The following RAI14 variants were observed in gnomAD, a reference collection of about 807,000 sequenced individuals.
The protein encoded by RAI14 is ankycorbin.
In RAI14, 45 loss-of-function variants were observed where a neutral mutation model predicts 115.4. That is an observed-to-expected ratio of 0.39 (90% CI 0.31 to 0.50). RAI14 has a LOEUF of 0.50. RAI14 is among the 20% of genes least tolerant of loss of function. RAI14 has a pLI of 0.85. For synonymous variants in RAI14, 371 were observed against 415.4 expected (o/e 0.89, Z 1.30); for missense variants, 939 against 1,131.2 (o/e 0.83, Z 2.44).
At chr5:34,819,101 A>T (rs1305383685) in intron 13 of RAI14, among the ~76,000 whole-genome samples, 1 of 152,206 alleles carries the variant, frequency 6.6e-6, no homozygotes, top group Non-Finnish European at 1.5e-5. Context: ...CCCAAACTAC[A>T]TGTTAGCAGT....
intron 2 of RAI14, among the ~76,000 whole-genome samples, chr5:34,690,832 A>T (rs370881370): frequency 1.3e-5 from 2 of 152,092 alleles, no homozygotes; most frequent in African/African-American, 4.8e-5. Context: ...CTTAAACTTG[A>T]GTTGTTAGAT....
chr5:34,799,156 C>T (rs1753891086), intron 4 of RAI14, among the ~76,000 whole-genome samples: 1 of 152,178 alleles, frequency 6.6e-6, no homozygotes, highest in South Asian at 2.1e-4. Context: ...TTTGATTGCC[C>T]ATGCCTGTGT....
intron 2 of RAI14, among the ~76,000 whole-genome samples, chr5:34,708,887 A>T (rs1168789913): frequency 6.6e-6 from 1 of 152,144 alleles, no homozygotes; most frequent in Non-Finnish European, 1.5e-5. Context: ...TGATGCCTGT[A>T]ATCCCATATC....
chr5:34,752,735 G>GTATATATATATA (rs1173704248), intron 2 of RAI14, among the ~76,000 whole-genome samples: 3 of 90,980 alleles, frequency 3.3e-5, no homozygotes, highest in Non-Finnish European at 7.3e-5. Context: ...GTGTGTGTGT[G>GTATATATATATA]TGTGTGTGTG....
chr5:34,832,427 G>A lies in RAI14; in HGVS notation c.*1662G>A, dbSNP rs1234108566. 2.0e-5 allele frequency: 3 copies of A among 152,632 alleles called. No homozygotes were observed. The highest frequency in any genetic ancestry group is 6.5e-5 in the Admixed American group (1 of 15,286). 9.5% of individuals were successfully genotyped at this position (152,632 alleles called of 1,614,324 possible). A position where few individuals can be genotyped will look rare whatever the true frequency, so the allele number is the denominator to read the frequency against. On this transcript the variant is annotated 3_prime_UTR_variant, in exon 18 of 18. Transcript: ENST00000265109. ...TGCCCCCGCACAGAAATGCTGCAGA[G>A]TATATAAAACTTGAGACATTTTTGT...
chr5:34,709,348 T>C (rs1208224442), intron 2 of RAI14, among the ~76,000 whole-genome samples: 1 of 152,074 alleles, frequency 6.6e-6, no homozygotes, highest in East Asian at 1.9e-4. Flanking sequence ...CTTGGGAGGC[T>C]GAGGCAGGAG....
intron 2 of RAI14, among the ~76,000 whole-genome samples, chr5:34,723,210 A>G (rs1743016575): frequency 6.6e-6 from 1 of 151,724 alleles, no homozygotes; most frequent in Admixed American, 6.6e-5. Context: ...TAGGATGTTT[A>G]TCTATATACC....
rs796752030 is a variant in RAI14, at chr5:34,829,118, T to TACAC, written c.2800-608_2800-605dup. 2.9e-5 allele frequency among the ~76,000 whole-genome samples: 4 copies of TACAC among 137,928 alleles called. No individual in the cohort carries two copies. In the South Asian group the frequency reaches 7.4e-4, roughly 26 times the overall value. The allele number at this position is 137,928 out of a possible 152,430, so 90.5% of individuals were successfully genotyped here. On this transcript the variant is annotated intron_variant, in intron 16 of 17. Coordinates refer to ENST00000265109, the MANE Select transcript of RAI14 (RefSeq NM_015577.3). ...ATTTGCATAAGTATATGTACATATA[T>TACAC]ACACACACATATATACATATATACA...
Position 34,823,373 on chromosome 5 carries a change from G to A in RAI14, c.1531G>A (p.Val511Ile), listed in dbSNP as rs193048705. ...SVQKQMKLGL[V>I]SPESMDNYSH... ...GCAGAAGCAGATGAAACTCGGTCTT[G>A]TCTCACCTGAAAGCATGGATAATTA... The change falls in exon 15 of 18, where the codon GTC becomes ATC. Residue 511 changes from valine to isoleucine, a missense_variant. Coordinates refer to ENST00000265109, the MANE Select transcript of RAI14 (RefSeq NM_015577.3). This position sits in a 1 kb window ranked among gnomAD's most constrained non-coding sequence, Gnocchi z 4.5. The A allele has an allele frequency of 2.5e-6, 4 of 1,614,036 alleles. No homozygotes were observed. The highest frequency in any genetic ancestry group is 1.7e-5 in the Admixed American group (1 of 60,020).
intron 4 of RAI14, 45 bp from the exon 5 acceptor site, chr5:34,803,667 T>C: frequency 6.8e-7 from 1 of 1,467,306 alleles, no homozygotes; most frequent in South Asian, 1.2e-5. Context: ...TTTTTTAAAG[T>C]GTGGCCTTTT....
At position 34,703,670 on chromosome 5, in the gene RAI14, C is replaced by T. The variant is rs138518073; in HGVS notation, c.36+16715C>T. Among the ~76,000 whole-genome samples the T allele has an allele frequency of 6.2e-4, 94 of 152,234 alleles. 1 individual carries two copies. The East Asian group carries it at 0.018, about 28-fold the overall frequency. On this transcript the variant is annotated intron_variant, in intron 2 of 17. Transcript: ENST00000265109. ...ACTTTTGCAAATTTTACAACAACAACAACAGAAAGAATATACTATGTGAGC... is the reference window on the plus strand; with the variant it reads ...ACTTTTGCAAATTTTACAACAACAATAACAGAAAGAATATACTATGTGAGC...
chr5:34,822,803 C>A (rs1470540997), intron 14 of RAI14, among the ~76,000 whole-genome samples, 153 bp from the exon 15 acceptor site: 1 of 150,602 alleles, frequency 6.6e-6, no homozygotes, highest in African/African-American at 2.4e-5. Flanking sequence ...CTTGCCTCAG[C>A]CTCCCGAGTA....
intron 2 of RAI14, among the ~76,000 whole-genome samples, chr5:34,747,355 T>C (rs1388964690): frequency 6.6e-6 from 1 of 152,238 alleles, no homozygotes; most frequent in Non-Finnish European, 1.5e-5. Flanking sequence ...AATGGTATCC[T>C]CTTTGGGCTT....
At chr5:34,766,429 T>C (rs1749380991) in intron 3 of RAI14, among the ~76,000 whole-genome samples, 1 of 152,170 alleles carries the variant, frequency 6.6e-6, no homozygotes, top group Non-Finnish European at 1.5e-5. Flanking sequence ...ATGTGAGACC[T>C]GGAATCAAAG....
intron 16 of RAI14, among the ~76,000 whole-genome samples, chr5:34,829,158 CACAT>C (rs1757764307): frequency 7.5e-6 from 1 of 133,156 alleles, no homozygotes; most frequent in African/African-American, 2.8e-5. Context: ...TATATAGACA[CACAT>C]ACACACACAC....
intron 2 of RAI14, among the ~76,000 whole-genome samples, chr5:34,725,500 C>G (rs1743331240): frequency 1.3e-5 from 2 of 151,998 alleles, no homozygotes; most frequent in Non-Finnish European, 2.9e-5. Context: ...CCACCCCCTT[C>G]CCTCTTGGTA....
chr5:34,687,015 G>A (rs1375008036), intron 2 of RAI14, 60 bp downstream of exon 2: 40 of 1,581,808 alleles, frequency 2.5e-5, no homozygotes, highest in African/African-American at 9.4e-5. Flanking sequence ...CTGCAGAAAC[G>A]CTCCTCCCCA....
chr5:34,775,412 GA>G, intron 3 of RAI14, among the ~76,000 whole-genome samples: 1 of 152,016 alleles, frequency 6.6e-6, no homozygotes, highest in Non-Finnish European at 1.5e-5. Flanking sequence ...ATTCTATAGG[GA>G]AAAAAATCCA....
In RAI14 at chr5:34,830,795, T is replaced by C. The variant is rs1415973153; in HGVS notation, c.*30T>C. On this transcript the variant is annotated 3_prime_UTR_variant, in exon 18 of 18. Transcript: ENST00000265109. ...GATTCCTTGGCAGGACACTGCCCCT[T>C]GTCATCTGTCTTTGTGTTAGATCCA... 1 of 1,613,208 alleles carries C rather than the reference T, an allele frequency of 6.2e-7. No homozygotes were observed. The highest frequency in any genetic ancestry group is 1.1e-5 in the South Asian group (1 of 90,938).
Sources: gnomAD v4.1 joint callset for allele counts (sites outside exome capture counted in the v4.1 genomes callset) on GRCh38, gnomAD v4.1.1 for gene constraint, Gnocchi (gnomAD v3.1) non-coding constraint, MANE v1.5 for transcripts, NCBI Gene and HGNC (gene_info 2026-07-23, HGNC 2026-07-21) for gene names.